Variants in STXBP6 observed in about 807,000 individuals in gnomAD.
STXBP6 encodes syntaxin binding protein 6, also known as syntaxin-binding protein 6.
Under a neutral mutation model 26.9 loss-of-function variants are expected in STXBP6, and 21 were observed. That is an observed-to-expected ratio of 0.78 (90% confidence interval 0.55 to 1.12). STXBP6 has a LOEUF of 1.12. Ranked by LOEUF, STXBP6 falls within the 50% of genes most tolerant of loss-of-function variation. The pLI, the probability that STXBP6 is intolerant of heterozygous loss-of-function variation, is 0.00. For synonymous variants in STXBP6, 97 were observed against 92.6 expected, an observed-to-expected ratio of 1.05 and a Z score of -0.27; for missense variants, 232 against 257.9, an observed-to-expected ratio of 0.90 and a Z score of 0.69.
intron 1 of STXBP6, among the ~76,000 whole-genome samples, chr14:24,992,696 T>C (rs752062337): frequency 3.3e-5 from 5 of 152,180 alleles, no homozygotes; most frequent in Non-Finnish European, 7.3e-5. Flanking sequence ...ATTAATGTAA[T>C]GCAATAAGCA....
At chr14:24,868,826 C>A (rs2069818955) in intron 2 of STXBP6, among the ~76,000 whole-genome samples, 1 of 152,158 alleles carries the variant, frequency 6.6e-6, no homozygotes, top group Non-Finnish European at 1.5e-5. Flanking sequence ...TAGTCTAACC[C>A]ACTCTTCATT....
intron 4 of STXBP6, among the ~76,000 whole-genome samples, chr14:24,840,537 C>T (rs2068754567): frequency 6.6e-6 from 1 of 152,184 alleles, no homozygotes. Context: ...GGCTTCTGCT[C>T]CATTGTTCTA....
intron 1 of STXBP6, among the ~76,000 whole-genome samples, chr14:24,984,997 T>C (rs1387979546): frequency 6.6e-6 from 1 of 152,230 alleles, no homozygotes; most frequent in Non-Finnish European, 1.5e-5. Flanking sequence ...CAAATTCAAC[T>C]GCTTTACACT....
intron 1 of STXBP6, among the ~76,000 whole-genome samples, chr14:24,991,330 C>T (rs916683193): frequency 1.3e-5 from 2 of 152,178 alleles, no homozygotes; most frequent in Non-Finnish European, 1.5e-5. Flanking sequence ...AAAGAACCAA[C>T]AAAAGCAATG....
At chr14:24,911,766 A>T (rs1369165674) in intron 2 of STXBP6, among the ~76,000 whole-genome samples, 1 of 152,240 alleles carries the variant, frequency 6.6e-6, no homozygotes, top group African/African-American at 2.4e-5. Context: ...CATCTGCAGC[A>T]GAGCACATAG....
At position 25,049,431 on chromosome 14, in the gene STXBP6, G is replaced by C; in HGVS notation, c.-33+447C>G. The C allele has an allele frequency of 1.0e-6, 1 of 985,414 alleles. No individual in the cohort carries two copies. Among genetic ancestry groups the C allele is most frequent in the Non-Finnish European group, 1.2e-6 (1 of 829,936 alleles). The allele number at this position is 985,414 out of a possible 1,614,324, so 61.0% of individuals were successfully genotyped here. ...GATGCCAGAGTTCGCGAAGATCGGA[G>C]TGATTCGCGGATTTCTGCGCTCAAG... is the stretch of plus-strand genomic sequence containing the variant. On this transcript the variant is annotated intron_variant, in intron 1 of 5. Coordinates refer to ENST00000323944, the MANE Select transcript of STXBP6 (RefSeq NM_001394410.1). This position sits in a 1 kb window ranked among gnomAD's most constrained non-coding sequence, Gnocchi z 5.6.
At chr14:25,032,966 A>G (rs1362218344) in intron 1 of STXBP6, among the ~76,000 whole-genome samples, 1 of 152,222 alleles carries the variant, frequency 6.6e-6, no homozygotes, top group Non-Finnish European at 1.5e-5. Flanking sequence ...TGCCCCAGCC[A>G]CACTCATTGG....
intron 1 of STXBP6, among the ~76,000 whole-genome samples, chr14:24,983,856 G>T (rs1204577080): frequency 2.0e-5 from 3 of 152,116 alleles, no homozygotes; most frequent in African/African-American, 7.2e-5. Flanking sequence ...CATTTTTTAA[G>T]AGTTTGAAAC....
At position 24,858,101 on chromosome 14, in the gene STXBP6, A is replaced by T. The variant is rs187498072; in HGVS notation, c.155-944T>A. Among the ~76,000 whole-genome samples the T allele has an allele frequency of 3.3e-5, 5 of 152,262 alleles. No homozygotes were observed. In the East Asian group the frequency reaches 9.6e-4, roughly 29 times the overall value. ...ATTACTGACTTGCTGAAGACTATGC[A>T]TCTGTGGCATATTCTTTGTTTCGAA... On this transcript the variant is annotated intron_variant, in intron 2 of 5. Transcript: ENST00000323944.
chr14:24,863,327 G>C (rs575527779), intron 2 of STXBP6, among the ~76,000 whole-genome samples: 2 of 152,142 alleles, frequency 1.3e-5, no homozygotes, highest in East Asian at 3.9e-4. Flanking sequence ...TGAGCTTCTT[G>C]TGGATAATTT....
chr14:24,936,055 A>C (rs1463969825), intron 2 of STXBP6, among the ~76,000 whole-genome samples: 1 of 152,188 alleles, frequency 6.6e-6, no homozygotes, highest in Non-Finnish European at 1.5e-5. Flanking sequence ...CTAGAACCAG[A>C]TGTCTTTGAA....
chr14:25,005,605 A>G (rs1443644066), intron 1 of STXBP6, among the ~76,000 whole-genome samples: 1 of 152,204 alleles, frequency 6.6e-6, no homozygotes, highest in Admixed American at 6.5e-5. Flanking sequence ...GTGCACACAG[A>G]ATGCTTACAC....
chr14:24,846,798 G>T (rs1379854316), intron 4 of STXBP6, among the ~76,000 whole-genome samples: 1 of 152,088 alleles, frequency 6.6e-6, no homozygotes, highest in East Asian at 1.9e-4. Context: ...TTAAATCAAT[G>T]TCCAATTTTC....
chr14:24,956,952 C>G (rs1273287336), intron 2 of STXBP6, among the ~76,000 whole-genome samples: 1 of 152,134 alleles, frequency 6.6e-6, no homozygotes. Flanking sequence ...GGCTCCTAAG[C>G]TCCCTGAAGA....
intron 1 of STXBP6, among the ~76,000 whole-genome samples, chr14:24,990,478 G>A (rs908277063): frequency 6.6e-6 from 1 of 151,990 alleles, no homozygotes; most frequent in African/African-American, 2.4e-5. Flanking sequence ...GACTAACATG[G>A]CAAAACCCCA....
At chr14:24,989,776 A>T (rs1427693720) in intron 1 of STXBP6, among the ~76,000 whole-genome samples, 1 of 152,208 alleles carries the variant, frequency 6.6e-6, no homozygotes, top group Non-Finnish European at 1.5e-5. Flanking sequence ...TACTAGACAG[A>T]GCATATGTTG....
intron 1 of STXBP6, among the ~76,000 whole-genome samples, chr14:24,978,014 A>G (rs140698934): frequency 1.3e-5 from 2 of 152,368 alleles, no homozygotes; most frequent in East Asian, 3.9e-4. Flanking sequence ...TGACACTAAC[A>G]GGACAGTGTG....
At chr14:25,043,616 T>C (rs537372806) in intron 1 of STXBP6, among the ~76,000 whole-genome samples, 1 of 152,290 alleles carries the variant, frequency 6.6e-6, no homozygotes, top group African/African-American at 2.4e-5. Context: ...TTCTCCCTCT[T>C]CCAACCCCTA....
At chr14:25,040,877 T>G (rs1217680687) in intron 1 of STXBP6, among the ~76,000 whole-genome samples, 1 of 152,168 alleles carries the variant, frequency 6.6e-6, no homozygotes, top group Non-Finnish European at 1.5e-5. Flanking sequence ...AATCAACTAT[T>G]AGATAGACCA....
Sources: allele counts gnomAD v4.1 joint callset (sites outside exome capture counted in the v4.1 genomes callset), GRCh38; gene constraint gnomAD v4.1.1; non-coding constraint Gnocchi (gnomAD v3.1); transcripts MANE v1.5; gene names NCBI Gene and HGNC (gene_info 2026-07-23, HGNC 2026-07-21).